The following LAMA3 variants were observed in gnomAD, a reference collection of about 807,000 sequenced individuals.
LAMA3 encodes laminin subunit alpha 3.
A neutral mutation model predicts 402.0 loss-of-function variants in LAMA3; 281 were observed. The observed-to-expected ratio is 0.70, with a 90% CI of 0.63 to 0.77. The LOEUF is 0.77. Ranked by LOEUF, LAMA3 falls within the 30% of genes least tolerant of loss-of-function variation. The probability of loss-of-function intolerance (pLI) is 0.00; values close to 1 mark genes in which losing one functional copy is unlikely to be tolerated. For missense variants in LAMA3, 3,840 were observed against 4,215.5 expected, an observed-to-expected ratio of 0.91 and a Z score of 2.47; for synonymous variants, 1,431 against 1,558.4, an observed-to-expected ratio of 0.92 and a Z score of 1.93.
rs202125814 is a variant in LAMA3 at position 23,931,191 on chromosome 18, G to A, written c.8566G>A (p.Asp2856Asn). 35 of 1,612,132 alleles carry A rather than the reference G, an allele frequency of 2.2e-5. No homozygotes were observed. Among genetic ancestry groups the A allele is most frequent in the Admixed American group, 3.3e-5 (2 of 59,994 alleles). Residue 2856 changes from aspartate (D) to asparagine (N), a missense_variant, in exon 65 of 75, where the codon GAC (aspartate) becomes AAC (asparagine). By Grantham distance (23) the Asp-to-Asn change is conservative. Transcript: ENST00000313654. The stretch of plus-strand genomic sequence containing the variant: ...ACTGCATTATGTATCTGTAATAAGC[G>A]ACAACTCTGGGTGAGTGGAATAATA... ...GLLHYVSVIS[D>N]NSGLRLLIDD...
chr18:23,846,555 G>A (rs895776874), intron 31 of LAMA3, 47 bp downstream of exon 31: 5 of 1,530,764 alleles, frequency 3.3e-6, no homozygotes, highest in Non-Finnish European at 4.4e-6. Flanking sequence ...GGTCCCGTGT[G>A]GATGATGCTT....
chr18:23,772,224 C>T (rs1222952505), intron 8 of LAMA3, among the ~76,000 whole-genome samples: 1 of 152,042 alleles, frequency 6.6e-6, no homozygotes, highest in Admixed American at 6.6e-5. Flanking sequence ...ATATTTTTAG[C>T]AGAGACGGGG....
intron 2 of LAMA3, among the ~76,000 whole-genome samples, chr18:23,740,090 A>G (rs1364437301): frequency 1.3e-5 from 2 of 152,234 alleles, no homozygotes; most frequent in African/African-American, 4.8e-5. Context: ...TGACAGTTGA[A>G]AGTCATTACA....
At chr18:23,836,944 G>A (rs770154900) in intron 24 of LAMA3, 37 bp from the exon 25 acceptor site, 20 of 1,472,616 alleles carry the variant, frequency 1.4e-5, no homozygotes, top group Middle Eastern at 2.1e-4. Context: ...GGGAGATGCC[G>A]GGAGTCAGGC....
At chr18:23,781,036 G>C (rs778766751) in intron 11 of LAMA3, among the ~76,000 whole-genome samples, 1 of 152,122 alleles carries the variant, frequency 6.6e-6, no homozygotes, top group Non-Finnish European at 1.5e-5. Flanking sequence ...CAGTAGAGAC[G>C]GACTCAAGGG....
At chr18:23,815,113 C>A in intron 15 of LAMA3, 75 bp from the exon 16 acceptor site, 1 of 1,308,496 alleles carries the variant, frequency 7.6e-7, no homozygotes, top group Non-Finnish European at 1.1e-6. Flanking sequence ...TGTGTTGCAG[C>A]TGTGTAATGT....
chr18:23,850,703 A>G (rs775845692), intron 32 of LAMA3, among the ~76,000 whole-genome samples: 13 of 152,358 alleles, frequency 8.5e-5, no homozygotes, highest in Middle Eastern at 3.4e-3. Context: ...ACATATATCT[A>G]TTTATAGCGA....
chr18:23,730,931 C>T (rs2061384382), intron 2 of LAMA3, among the ~76,000 whole-genome samples: 1 of 152,212 alleles, frequency 6.6e-6, no homozygotes. Context: ...GACTCTGAAA[C>T]TTTATGAGCT....
chr18:23,729,299 G>T (rs1194200929), intron 2 of LAMA3, among the ~76,000 whole-genome samples: 1 of 152,126 alleles, frequency 6.6e-6, no homozygotes, highest in Non-Finnish European at 1.5e-5. Flanking sequence ...TATACTTCGT[G>T]TATGAATGAA....
rs919362660 is a variant in LAMA3 at position 23,927,965 on chromosome 18, T to C, written c.8178-158T>C. On this transcript the variant is annotated intron_variant, in intron 62 of 74. Transcript: ENST00000313654. ...AAGGAAGTCAGTTCTCCCAGCATCA[T>C]AAAATAAGTAGCATTATGGGAATCC... Among the ~76,000 whole-genome samples, 6 of 152,318 alleles carry C rather than the reference T, an allele frequency of 3.9e-5. No homozygotes were observed. In the East Asian group the frequency reaches 1.2e-3, roughly 29 times the overall value.
At chr18:23,815,263 G>A in intron 16 of LAMA3, 23 bp downstream of exon 16, 1 of 1,610,694 alleles carries the variant, frequency 6.2e-7, no homozygotes. Context: ...GAGTTTTCAT[G>A]TGACAACAGC....
chr18:23,954,685 A>G lies in LAMA3; in HGVS notation c.*37A>G, dbSNP rs2083053217. ...TTCACAGCAAGGAAATTCACCTTCA[A>G]AAGCACTGATTACCCAATGCACCTC... On this transcript the variant is annotated 3_prime_UTR_variant, in exon 75 of 75. Coordinates refer to ENST00000313654, the MANE Select transcript of LAMA3 (RefSeq NM_198129.4). 3 of 1,610,008 alleles carry G rather than the reference A, an allele frequency of 1.9e-6. No homozygotes were observed. The East Asian group carries it at 6.7e-5, about 36-fold the overall frequency.
intron 3 of LAMA3, 25 bp from the exon 4 acceptor site, chr18:23,749,403 T>A: frequency 8.7e-7 from 1 of 1,153,156 alleles, no homozygotes; most frequent in Non-Finnish European, 1.3e-6. Flanking sequence ...TTTTGTTTTA[T>A]AATATTAAAA....
chr18:23,938,107 G>A (rs2082367049), intron 67 of LAMA3, among the ~76,000 whole-genome samples: 1 of 152,044 alleles, frequency 6.6e-6, no homozygotes. Context: ...AATCACATCC[G>A]CACCACACCA....
At position 23,903,123 on chromosome 18, in the gene LAMA3, A is replaced by G. The variant is rs1406148793; in HGVS notation, c.6316A>G (p.Lys2106Glu). Residue 2106 changes from lysine (K) to glutamate (E), a missense_variant and splice_region_variant, in exon 49 of 75, where the codon AAG becomes GAG. Transcript: ENST00000313654. ...IALQLMEKSQKEYEKLAASLN... is the reference protein window; with the variant it reads ...IALQLMEKSQEEYEKLAASLN... ...GCTGCAGCTGATGGAGAAAAGCCAG[A>G]AGGTAGAGGAAATAGTTGTTCTCTA... is the stretch of plus-strand genomic sequence containing the variant. 6 of 1,573,020 alleles carry G rather than the reference A, an allele frequency of 3.8e-6. No homozygotes were observed. Among genetic ancestry groups the G allele is most frequent in the East Asian group, 2.2e-5 (1 of 44,688 alleles).
At chr18:23,857,629 G>A (rs143982930) in intron 32 of LAMA3, among the ~76,000 whole-genome samples, 4 of 152,282 alleles carry the variant, frequency 2.6e-5, no homozygotes, top group African/African-American at 4.8e-5. Context: ...CATCTACGAC[G>A]GTCATCCATG....
intron 40 of LAMA3, among the ~76,000 whole-genome samples, chr18:23,882,347 A>T: frequency 6.6e-6 from 1 of 152,174 alleles, no homozygotes; most frequent in East Asian, 1.9e-4. Context: ...ACAAATGAAT[A>T]GGCCGGGTGT....
At chr18:23,838,929 A>C (rs1195570742) in intron 26 of LAMA3, 51 bp downstream of exon 26, 1 of 1,100,210 alleles carries the variant, frequency 9.1e-7, no homozygotes, top group Non-Finnish European at 1.4e-6. Flanking sequence ...TGATACTGGG[A>C]TGAGTGTAAG....
At chr18:23,933,706 T>G in intron 66 of LAMA3, 76 bp from the exon 67 acceptor site, 663 of 1,511,962 alleles carry the variant, frequency 4.4e-4, no homozygotes, top group Non-Finnish European at 5.5e-4. Flanking sequence ...CTTTTTGAAA[T>G]GAGCTCTCTC....
Sources: allele counts gnomAD v4.1 joint callset (sites outside exome capture counted in the v4.1 genomes callset), GRCh38; gene constraint gnomAD v4.1.1; transcripts MANE v1.5; gene names NCBI Gene and HGNC (gene_info 2026-07-23, HGNC 2026-07-21).